The following TWSG1 variants were observed in gnomAD, a reference collection of about 807,000 sequenced individuals.
TWSG1 encodes the protein twisted gastrulation BMP signaling modulator 1.
TWSG1 carries 15 observed loss-of-function variants against 23.0 expected under a neutral mutation model. That is an observed-to-expected ratio of 0.65 (90% CI 0.44 to 1.00). TWSG1 has a LOEUF of 1.00. Ranked by LOEUF, TWSG1 falls within the 50% of genes least tolerant of loss-of-function variation. The probability of loss-of-function intolerance (pLI) is 0.00; values close to 1 mark genes in which losing one functional copy is unlikely to be tolerated. For missense variants in TWSG1, 242 were observed against 278.7 expected, an observed-to-expected ratio of 0.87 and a Z score of 0.94; for synonymous variants, 86 against 92.8, an observed-to-expected ratio of 0.93 and a Z score of 0.42.
intron 2 of TWSG1, among the ~76,000 whole-genome samples, chr18:9,350,394 G>A (rs1052470882): frequency 1.3e-5 from 2 of 152,072 alleles, no homozygotes; most frequent in Non-Finnish European, 2.9e-5. Flanking sequence ...ATTTCACTGG[G>A]ACACACGGAC....
intron 2 of TWSG1, among the ~76,000 whole-genome samples, chr18:9,355,774 T>A (rs946504659): frequency 1.3e-5 from 2 of 152,212 alleles, no homozygotes; most frequent in Non-Finnish European, 2.9e-5. Context: ...AAGGCACAGA[T>A]GCTGTTTTCA....
chr18:9,365,395 C>G lies in TWSG1; in HGVS notation c.223+5324C>G, dbSNP rs546242079. ...ATGTTAAATTAGAAGAAAAAATTGC[C>G]TGAGCGCAGTTGCTCGTGCCTATAA... On this transcript the variant is annotated intron_variant, in intron 3 of 4. Transcript: ENST00000262120. 3.3e-5 allele frequency among the ~76,000 whole-genome samples: 5 copies of G among 152,244 alleles called. No individual in the cohort carries two copies. In the South Asian group the frequency reaches 1.0e-3, roughly 32 times the overall value.
At chr18:9,372,148 A>G (rs1244207431) in intron 3 of TWSG1, among the ~76,000 whole-genome samples, 3 of 132,710 alleles carry the variant, frequency 2.3e-5, no homozygotes, top group Non-Finnish European at 5.1e-5. Context: ...TGTGCTATGT[A>G]TGTATATATA....
intron 3 of TWSG1, among the ~76,000 whole-genome samples, chr18:9,377,560 C>T (rs1243435188): frequency 6.6e-6 from 1 of 151,940 alleles, no homozygotes; most frequent in Non-Finnish European, 1.5e-5. Flanking sequence ...AACAACTGGC[C>T]ATCCATCTGC....
intron 3 of TWSG1, among the ~76,000 whole-genome samples, chr18:9,362,496 A>G (rs767449098): frequency 3.9e-5 from 6 of 152,216 alleles, no homozygotes; most frequent in African/African-American, 1.2e-4. Flanking sequence ...GCGTGAGCCA[A>G]TGTGCCCAGC....
chr18:9,381,613 C>T (rs867226766), intron 3 of TWSG1, among the ~76,000 whole-genome samples: 36 of 152,082 alleles, frequency 2.4e-4, no homozygotes, highest in African/African-American at 8.2e-4. Flanking sequence ...ATGTATTTCT[C>T]TTCAAAATAT....
At chr18:9,339,040 A>C (rs1461395358) in intron 2 of TWSG1, among the ~76,000 whole-genome samples, 1 of 151,900 alleles carries the variant, frequency 6.6e-6, no homozygotes, top group Non-Finnish European at 1.5e-5. Flanking sequence ...CTCTACAACA[A>C]ATAGTTTTTT....
chr18:9,387,216 T>C (rs951841206), intron 3 of TWSG1, among the ~76,000 whole-genome samples: 1 of 152,184 alleles, frequency 6.6e-6, no homozygotes, highest in African/African-American at 2.4e-5. Flanking sequence ...CAAGATATGC[T>C]GAAACATTTT....
chr18:9,353,077 A>G (rs1025395053), intron 2 of TWSG1, among the ~76,000 whole-genome samples: 3 of 152,194 alleles, frequency 2.0e-5, no homozygotes, highest in Non-Finnish European at 4.4e-5. Flanking sequence ...TGCTTACAGT[A>G]TTCAGAACAG....
chr18:9,372,291 A>G (rs1180233743), intron 3 of TWSG1, among the ~76,000 whole-genome samples: 1 of 151,362 alleles, frequency 6.6e-6, no homozygotes, highest in Non-Finnish European at 1.5e-5. Context: ...ATACATTCCT[A>G]TGATACAGTT....
chr18:9,383,124 TA>T (rs2040665913), intron 3 of TWSG1, among the ~76,000 whole-genome samples: 1 of 151,666 alleles, frequency 6.6e-6, no homozygotes, highest in Non-Finnish European at 1.5e-5. Context: ...GTTTGGATTA[TA>T]TCCTAAGTAT....
chr18:9,399,420 G>C lies in TWSG1; in HGVS notation c.565G>C (p.Gly189Arg), dbSNP rs1354704428. The C allele has an allele frequency of 6.2e-7, 1 of 1,614,022 alleles. No individual in the cohort carries two copies. The highest frequency in any genetic ancestry group is 1.1e-5 in the South Asian group (1 of 91,076). Residue 189 changes from glycine (G) to arginine (R), a missense_variant, in exon 5 of 5, where the codon GGA (glycine) becomes CGA (arginine). Gly to Arg is a moderately radical substitution (Grantham distance 125). Coordinates refer to ENST00000262120, the MANE Select transcript of TWSG1 (RefSeq NM_020648.6). Reference sequence around the variant, plus strand: ...GTGTAAAATATCCTGTGAGTCCATGGGAGCATCCAAATATCGCTGGTTTCA... The same window carrying C: ...GTGTAAAATATCCTGTGAGTCCATGCGAGCATCCAAATATCGCTGGTTTCA... Reference protein sequence around the residue: ...HQCKISCESMGASKYRWFHNA... With the variant: ...HQCKISCESMRASKYRWFHNA...
chr18:9,378,933 T>C (rs1393795575), intron 3 of TWSG1, among the ~76,000 whole-genome samples: 1 of 151,950 alleles, frequency 6.6e-6, no homozygotes, highest in East Asian at 1.9e-4. Flanking sequence ...TCAATATCAC[T>C]AATCATTACG....
intron 3 of TWSG1, among the ~76,000 whole-genome samples, chr18:9,375,890 A>G (rs1450431210): frequency 6.6e-6 from 1 of 152,052 alleles, no homozygotes; most frequent in Admixed American, 6.6e-5. Context: ...TACTGTCAAG[A>G]TGTCAGTTCT....
intron 3 of TWSG1, among the ~76,000 whole-genome samples, chr18:9,391,303 C>G (rs2040711558): frequency 6.6e-6 from 1 of 152,242 alleles, no homozygotes; most frequent in Non-Finnish European, 1.5e-5. Flanking sequence ...ATTTTCTCCA[C>G]TGAAGTCTTG....
intron 3 of TWSG1, among the ~76,000 whole-genome samples, chr18:9,379,445 C>T (rs1362259629): frequency 6.6e-6 from 1 of 152,042 alleles, no homozygotes; most frequent in Non-Finnish European, 1.5e-5. Flanking sequence ...CCGTTATGTT[C>T]TCATTGAGCT....
At position 9,343,655 on chromosome 18, in the gene TWSG1, G is replaced by A. The variant is rs1326432001; in HGVS notation, c.123+6303G>A. On this transcript the variant is annotated intron_variant, in intron 2 of 4. Coordinates refer to ENST00000262120, the MANE Select transcript of TWSG1 (RefSeq NM_020648.6). ...CTTGTTCTGGACATTTAATATGAATGGAATCATACCTTGTCTTTTGTGTCT... is the reference window on the plus strand; with the variant it reads ...CTTGTTCTGGACATTTAATATGAATAGAATCATACCTTGTCTTTTGTGTCT... Among the ~76,000 whole-genome samples, 3 of 152,152 alleles carry A rather than the reference G, an allele frequency of 2.0e-5. No individual in the cohort carries two copies. The East Asian group carries it at 5.8e-4, about 29-fold the overall frequency.
chr18:9,370,973 TC>T (rs2040602411), intron 3 of TWSG1, among the ~76,000 whole-genome samples: 1 of 152,060 alleles, frequency 6.6e-6, no homozygotes, highest in Admixed American at 6.5e-5. Flanking sequence ...GGAATAATGA[TC>T]ACTTAACTCT....
At chr18:9,365,329 A>AT (rs944916776) in intron 3 of TWSG1, among the ~76,000 whole-genome samples, 3 of 151,844 alleles carry the variant, frequency 2.0e-5, no homozygotes, top group Admixed American at 6.6e-5. Flanking sequence ...CTCTAAAAAA[A>AT]TTTTTTTAAA....
Sources: allele counts gnomAD v4.1 joint callset (sites outside exome capture counted in the v4.1 genomes callset), GRCh38; gene constraint gnomAD v4.1.1; transcripts MANE v1.5; gene names NCBI Gene and HGNC (gene_info 2026-07-23, HGNC 2026-07-21).